PLAA: variants seen among roughly 807,000 people sequenced by gnomAD.
PLAA encodes phospholipase A2 activating protein, also known as phospholipase A-2-activating protein.
In PLAA, 48 loss-of-function variants were observed where a neutral mutation model predicts 84.1. The observed-to-expected ratio is 0.57, with a 90% CI of 0.45 to 0.73. The LOEUF is 0.73. PLAA is among the 30% of genes least tolerant of loss of function. PLAA has a pLI of 0.00. For synonymous variants in PLAA, 392 were observed against 336.6 expected, an observed-to-expected ratio of 1.16 and a Z score of -1.80; for missense variants, 903 against 954.7, an observed-to-expected ratio of 0.95 and a Z score of 0.71.
rs113421468 is a variant in PLAA at position 26,925,029 on chromosome 9, T to A, written c.869+796A>T. On this transcript the variant is annotated intron_variant, in intron 6 of 13. Coordinates refer to ENST00000397292, the MANE Select transcript of PLAA (RefSeq NM_001031689.3). ...CATTTTTATTAATGAAGATTTCCAA[T>A]CACTAACAGTTTGAAGCTTTATCCT... is the stretch of plus-strand genomic sequence containing the variant. Among the ~76,000 whole-genome samples the A allele has an allele frequency of 2.9e-3, 435 of 152,332 alleles. 4 individuals are homozygous for A. Among genetic ancestry groups the A allele is most frequent in the African/African-American group, 9.9e-3 (413 of 41,574 alleles).
intron 6 of PLAA, among the ~76,000 whole-genome samples, chr9:26,924,372 G>T (rs532087106): frequency 2.6e-5 from 4 of 151,970 alleles, no homozygotes; most frequent in Admixed American, 2.0e-4. Context: ...GAGCTCAAGC[G>T]ATCCTCCCAC....
At chr9:26,918,172 T>C (rs1431516788) in intron 9 of PLAA, among the ~76,000 whole-genome samples, 1 of 152,114 alleles carries the variant, frequency 6.6e-6, no homozygotes, top group East Asian at 1.9e-4. Context: ...AGTGCAATGG[T>C]GCGATCTTGG....
At chr9:26,915,070 G>A (rs921561962) in intron 10 of PLAA, among the ~76,000 whole-genome samples, 2 of 152,060 alleles carry the variant, frequency 1.3e-5, no homozygotes, top group African/African-American at 4.8e-5. Context: ...AAATTAGCTG[G>A]GCATGGTGGC....
At chr9:26,937,094 T>C (rs1001141316) in intron 1 of PLAA, among the ~76,000 whole-genome samples, 1 of 151,848 alleles carries the variant, frequency 6.6e-6, no homozygotes, top group African/African-American at 2.4e-5. Context: ...TGAGCCAAGA[T>C]TGCGCCATCG....
At chr9:26,927,545 G>A (rs1337509280) in intron 4 of PLAA, among the ~76,000 whole-genome samples, 2 of 152,074 alleles carry the variant, frequency 1.3e-5, no homozygotes, top group African/African-American at 4.8e-5. Flanking sequence ...AAATACTTAA[G>A]TACCCTACAA....
intron 10 of PLAA, among the ~76,000 whole-genome samples, chr9:26,914,911 G>A (rs776877231): frequency 9.2e-5 from 14 of 152,056 alleles, no homozygotes; most frequent in African/African-American, 3.4e-4. Context: ...AAACACTTGG[G>A]GAACTTTAAA....
At chr9:26,926,313 C>T in intron 5 of PLAA, 80 bp downstream of exon 5, 3 of 867,500 alleles carry the variant, frequency 3.5e-6, no homozygotes, top group Non-Finnish European at 5.5e-6. Flanking sequence ...AAGTAATCAG[C>T]TCTCCTCCCT....
chr9:26,940,525 G>A (rs1010102205), intron 1 of PLAA, among the ~76,000 whole-genome samples: 1 of 152,196 alleles, frequency 6.6e-6, no homozygotes, highest in Non-Finnish European at 1.5e-5. Flanking sequence ...GCTTAAACAG[G>A]TACAGTTTCA....
chr9:26,933,838 T>C (rs1045903275), intron 2 of PLAA, among the ~76,000 whole-genome samples: 13 of 150,472 alleles, frequency 8.6e-5, no homozygotes, highest in Admixed American at 6.6e-4. Context: ...AGACAGGGTC[T>C]CACTCTATCA....
chr9:26,915,793 G>C (rs578002465), intron 10 of PLAA: 1 of 985,178 alleles, frequency 1.0e-6, no homozygotes, highest in Non-Finnish European at 1.2e-6. Flanking sequence ...ATGGCCCCAG[G>C]AGTTTTCTTG....
chr9:26,924,102 C>T (rs993194301), intron 6 of PLAA, among the ~76,000 whole-genome samples: 1 of 152,118 alleles, frequency 6.6e-6, no homozygotes, highest in Non-Finnish European at 1.5e-5. Context: ...TTATTAGACC[C>T]TCTATCCCTT....
Position 26,905,823 on chromosome 9 carries a change from T to C in PLAA, c.2076A>G (p.Ser692=), listed in dbSNP as rs374737566. The change falls in exon 14 of 14, where the codon TCA becomes TCG. Residue 692 remains serine, a synonymous_variant. Coordinates refer to ENST00000397292, the MANE Select transcript of PLAA (RefSeq NM_001031689.3). ...CAATGTGAATGTTCTTATTGCTCCCTGATTTCAGTTCTATTGCATGGGACA... is the reference window on the plus strand; with the variant it reads ...CAATGTGAATGTTCTTATTGCTCCCCGATTTCAGTTCTATTGCATGGGACA... ...SLMSHAIELK[S]GSNKNIHIAL... is the part of the protein sequence containing the mutation. 1.1e-5 allele frequency: 18 copies of C among 1,614,204 alleles called. No homozygotes were observed. The African/African-American group carries it at 2.3e-4, about 20-fold the overall frequency.
chr9:26,931,179 GA>G lies in PLAA; in HGVS notation c.344-2772del, dbSNP rs577999423. On this transcript the variant is annotated intron_variant, in intron 2 of 13. Coordinates refer to ENST00000397292, the MANE Select transcript of PLAA (RefSeq NM_001031689.3). Reference sequence around the variant, plus strand: ...ACTGAAAAAAAAAAAAAAAATTCAGGAAACAACTCCTTCTGCAAACCAGTAA... The same window carrying G: ...ACTGAAAAAAAAAAAAAAAATTCAGGAACAACTCCTTCTGCAAACCAGTAA... Among the ~76,000 whole-genome samples, 6 of 151,664 alleles carry G rather than the reference GA, an allele frequency of 4.0e-5. No homozygotes were observed. In the East Asian group the frequency reaches 1.2e-3, roughly 30 times the overall value.
At chr9:26,916,131 G>A (rs895567530) in intron 10 of PLAA, 7 of 985,236 alleles carry the variant, frequency 7.1e-6, no homozygotes, top group African/African-American at 5.2e-5. Context: ...GGAAGCTCAC[G>A]GACAGCAATC....
chr9:26,922,297 TA>T (rs1186472963), intron 7 of PLAA, among the ~76,000 whole-genome samples: 3 of 150,556 alleles, frequency 2.0e-5, no homozygotes, highest in Non-Finnish European at 4.4e-5. Context: ...TTTTTTTTTT[TA>T]AACTACAACT....
chr9:26,932,186 T>C (rs1460694036), intron 2 of PLAA, among the ~76,000 whole-genome samples: 2 of 147,772 alleles, frequency 1.4e-5, no homozygotes, highest in African/African-American at 5.1e-5. Flanking sequence ...ATGAGACAAC[T>C]GGGTAAATTT....
At chr9:26,945,932 C>T (rs969018126) in intron 1 of PLAA, among the ~76,000 whole-genome samples, 6 of 152,196 alleles carry the variant, frequency 3.9e-5, no homozygotes, top group African/African-American at 1.4e-4. Context: ...TCTTCACATG[C>T]CAGTTTTTAA....
At chr9:26,938,395 T>C (rs577883349) in intron 1 of PLAA, among the ~76,000 whole-genome samples, 5 of 151,998 alleles carry the variant, frequency 3.3e-5, no homozygotes, top group African/African-American at 7.3e-5. Flanking sequence ...AAAAATTTTT[T>C]TGGAGCATTA....
intron 8 of PLAA, among the ~76,000 whole-genome samples, chr9:26,919,793 A>T (rs1824697526): frequency 6.6e-6 from 1 of 152,168 alleles, no homozygotes; most frequent in Admixed American, 6.5e-5. Flanking sequence ...GCCAAAGCAG[A>T]GTTTCCAACT....
Sources: gnomAD v4.1 joint callset for allele counts (sites outside exome capture counted in the v4.1 genomes callset) on GRCh38, gnomAD v4.1.1 for gene constraint, MANE v1.5 for transcripts, NCBI Gene and HGNC (gene_info 2026-07-23, HGNC 2026-07-21) for gene names.